Variants in ATAD3B observed in about 807,000 individuals in gnomAD.
The protein encoded by ATAD3B is ATPase family AAA domain containing 3B.
A neutral mutation model predicts 70.2 loss-of-function variants in ATAD3B; 59 were observed. That is an observed-to-expected ratio of 0.84 (90% CI 0.68 to 1.04). The LOEUF is 1.04. Ranked by LOEUF, ATAD3B falls within the 50% of genes least tolerant of loss-of-function variation. The pLI, the probability that ATAD3B is intolerant of heterozygous loss-of-function variation, is 0.00. For missense variants in ATAD3B, 961 were observed against 913.4 expected (o/e 1.05, Z -0.67); for synonymous variants, 423 against 388.6 (o/e 1.09, Z -1.04).
intron 15 of ATAD3B, among the ~76,000 whole-genome samples, chr1:1,494,106 A>T (rs534915951): frequency 7.9e-5 from 12 of 152,052 alleles, no homozygotes; most frequent in Admixed American, 5.3e-4. Flanking sequence ...TAGCACAGAG[A>T]GCTCCCGGGC....
At chr1:1,502,138 C>T (rs574792579), downstream of ATAD3B, among the ~76,000 whole-genome samples, 1 of 152,194 alleles carries the variant, frequency 6.6e-6, no homozygotes, top group African/African-American at 2.4e-5. Flanking sequence ...CTCGGTCTCC[C>T]AAAGTGCTGG....
chr1:1,484,793 G>A, intron 7 of ATAD3B: 1 of 1,273,584 alleles, frequency 7.9e-7, no homozygotes, highest in Non-Finnish European at 1.0e-6. Context: ...GCCAGTTGCA[G>A]AGAAAATGGC....
intron 1 of ATAD3B, among the ~76,000 whole-genome samples, chr1:1,474,144 T>C (rs1205849714): frequency 6.6e-6 from 1 of 151,918 alleles, no homozygotes; most frequent in Non-Finnish European, 1.5e-5. Context: ...CTCAGCCTCC[T>C]GAGGAGAGGG....
Position 1,496,027 on chromosome 1 carries a change from GA to G in ATAD3B, c.*211del. 7.5e-7 allele frequency: 1 copy of G among 1,336,916 alleles called. No homozygotes were observed. The highest frequency in any genetic ancestry group is 9.6e-7 in the Non-Finnish European group (1 of 1,045,150). The allele number at this position is 1,336,916 out of a possible 1,614,324, so 82.8% of individuals were successfully genotyped here. A position where few individuals can be genotyped will look rare whatever the true frequency, so the allele number is the denominator to read the frequency against. On this transcript the variant is annotated 3_prime_UTR_variant, in exon 16 of 16. Transcript: ENST00000673477. ...CTCGGCTCCCACAGCAGAGCCAGGTGAGGGGGGGCCTGCCAGGACTAGACAG... is the reference window on the plus strand; with the variant it reads ...CTCGGCTCCCACAGCAGAGCCAGGTGGGGGGGGCCTGCCAGGACTAGACAG...
chr1:1,473,800 G>C (rs1639454456), intron 1 of ATAD3B, among the ~76,000 whole-genome samples: 1 of 151,984 alleles, frequency 6.6e-6, no homozygotes, highest in Non-Finnish European at 1.5e-5. Context: ...TGCCAGCAGG[G>C]GTTCCTTTTT....
At chr1:1,498,771 C>T (rs1388837179), downstream of ATAD3B, among the ~76,000 whole-genome samples, 10 of 149,710 alleles carry the variant, frequency 6.7e-5, no homozygotes, top group Non-Finnish European at 1.3e-4. Flanking sequence ...GGTGAGATCT[C>T]GGCGGCTCAC....
rs530540093 is a variant in ATAD3B, at chr1:1,490,812, C to T, written c.1614+141C>T. Reference sequence around the variant, plus strand: ...TTCAGTGCACAGACGTGACACAGGGCCCCCTGCCTCAGTCGGGCCACTCCA... The same window carrying T: ...TTCAGTGCACAGACGTGACACAGGGTCCCCTGCCTCAGTCGGGCCACTCCA... On this transcript the variant is annotated intron_variant, in intron 15 of 15. Coordinates refer to ENST00000673477, the MANE Select transcript of ATAD3B (RefSeq NM_031921.6). The T allele has an allele frequency of 1.2e-5, 18 of 1,465,732 alleles. No homozygotes were observed. In the Admixed American group the frequency reaches 1.4e-4, roughly 11 times the overall value. 90.8% of individuals were successfully genotyped at this position (1,465,732 alleles called of 1,614,324 possible).
downstream of ATAD3B, among the ~76,000 whole-genome samples, chr1:1,499,477 C>T (rs1272668626): frequency 4.0e-5 from 6 of 151,672 alleles, no homozygotes; most frequent in African/African-American, 4.9e-5. Context: ...CCTCATGATC[C>T]GCACTCGGCC....
chr1:1,479,541 G>A (rs1168671440), intron 4 of ATAD3B, among the ~76,000 whole-genome samples: 1 of 131,670 alleles, frequency 7.6e-6, no homozygotes, highest in Non-Finnish European at 1.6e-5. Context: ...CACACAACAC[G>A]GGCACGCACA....
intron 2 of ATAD3B, 93 bp from the exon 3 acceptor site, chr1:1,478,549 GTC>G (rs1557794878): frequency 1.3e-6 from 2 of 1,550,218 alleles, no homozygotes; most frequent in Admixed American, 2.0e-5. Flanking sequence ...TGGGCACGGA[GTC>G]TCTGCCGTGC....
chr1:1,477,242 A>C, intron 1 of ATAD3B, 32 bp from the exon 2 acceptor site: 3 of 1,610,762 alleles, frequency 1.9e-6, no homozygotes, highest in Non-Finnish European at 2.5e-6. Context: ...CGTGTATCCT[A>C]CACCTGCTCT....
chr1:1,476,515 A>AT lies in ATAD3B; in HGVS notation c.206-746dup, dbSNP rs34013345. Among the ~76,000 whole-genome samples, 1,257 of 146,700 alleles carry AT rather than the reference A, an allele frequency of 8.6e-3. 18 individuals are homozygous for AT. The highest frequency in any genetic ancestry group is 0.027 in the African/African-American group (1,064 of 40,106). The stretch of plus-strand genomic sequence containing the variant: ...TTACACGTCTTTCTGTGTTAGAATA[A>AT]TTTTTTTTTTTTTGAGACGGACTCT... On this transcript the variant is annotated intron_variant, in intron 1 of 15. Transcript: ENST00000673477.
chr1:1,495,766 G>A lies in ATAD3B; in HGVS notation c.1896G>A (p.Met632Ile), dbSNP rs1467319239. 7 of 1,608,218 alleles carry A rather than the reference G, an allele frequency of 4.4e-6. No homozygotes were observed. Among genetic ancestry groups the A allele is most frequent in the Non-Finnish European group, 5.1e-6 (6 of 1,176,782 alleles). The change falls in exon 16 of 16, where the codon ATG (methionine) becomes ATA (isoleucine). Residue 632 changes from methionine (M) to isoleucine (I), a missense_variant. Transcript: ENST00000673477. ...GLCPGPLSPR[M>I]SCGGGRPFCP... ...GCCCAGGGCCTCTGTCCCCCAGGATGTCTTGTGGTGGCGGTCGGCCGTTCT... is the reference window on the plus strand; with the variant it reads ...GCCCAGGGCCTCTGTCCCCCAGGATATCTTGTGGTGGCGGTCGGCCGTTCT...
At chr1:1,500,135 C>T (rs1178319280), downstream of ATAD3B, among the ~76,000 whole-genome samples, 20 of 146,938 alleles carry the variant, frequency 1.4e-4, no homozygotes, top group East Asian at 3.5e-3. Context: ...TGAGCTCAGG[C>T]GATCCACCCG....
At chr1:1,505,959 A>C in the ATAD3B span, among the ~76,000 whole-genome samples, 1 of 152,204 alleles carries the variant, frequency 6.6e-6, no homozygotes, top group South Asian at 2.1e-4. Flanking sequence ...CCACCCACAC[A>C]CAGTGGCTCA....
chr1:1,502,502 C>A (rs1000834021), downstream of ATAD3B, among the ~76,000 whole-genome samples: 7 of 146,342 alleles, frequency 4.8e-5, no homozygotes, highest in Non-Finnish European at 8.9e-5. Context: ...GCCACCGTGC[C>A]CAGCATTTTT....
rs374902984 is a variant in ATAD3B at position 1,486,544 on chromosome 1, A to T, written c.1090A>T (p.Lys364Ter). ...GTCTCCCCTCACTCTTCTTGTCCAG[A>T]AACTCGCCCTGCACTCAGGCATGGA... ...PGTGKTLFAK[K>*]LALHSGMDYA... The change falls in exon 11 of 16, where the codon AAA (lysine) becomes TAA (stop). Residue 364 changes from lysine (K) to a stop codon, truncating the protein, a stop_gained and splice_region_variant. Coordinates refer to ENST00000673477, the MANE Select transcript of ATAD3B (RefSeq NM_031921.6). LOFTEE classifies it high-confidence loss of function. The T allele has an allele frequency of 6.2e-6, 10 of 1,611,810 alleles. No homozygotes were observed. Among genetic ancestry groups the T allele is most frequent in the Non-Finnish European group, 8.5e-6 (10 of 1,179,446 alleles).
In ATAD3B at chr1:1,497,384, C is replaced by T. The variant is rs950776072; in HGVS notation, c.*1567C>T. The T allele has an allele frequency of 1.2e-4, 18 of 148,446 alleles. No individual in the cohort carries two copies. The highest frequency in any genetic ancestry group is 2.1e-4 in the Non-Finnish European group (14 of 67,414). The allele number at this position is 148,446 out of a possible 1,614,324, so 9.2% of individuals were successfully genotyped here. ...TAATTAGCCCCAGAGGCGTGCACCA[C>T]CACGCCCGCTAATGCTAAAAATTTG... is the stretch of plus-strand genomic sequence containing the variant. On this transcript the variant is annotated 3_prime_UTR_variant, in exon 16 of 16. Transcript: ENST00000673477.
downstream of ATAD3B, among the ~76,000 whole-genome samples, chr1:1,500,735 C>T (rs1044474778): frequency 1.2e-3 from 176 of 151,324 alleles, 4 homozygotes; most frequent in Admixed American, 0.011. Context: ...GGGCGGATCA[C>T]GAGGTCAGGA....
Sources: allele counts gnomAD v4.1 joint callset (sites outside exome capture counted in the v4.1 genomes callset), GRCh38; gene constraint gnomAD v4.1.1; transcripts MANE v1.5; gene names NCBI Gene and HGNC (gene_info 2026-07-23, HGNC 2026-07-21).